Variants in HIRA observed in about 807,000 individuals in gnomAD.
HIRA encodes the protein histone cell cycle regulator, also known as protein HIRA.
A neutral mutation model predicts 126.6 loss-of-function variants in HIRA; 13 were observed. That is an observed-to-expected ratio of 0.10 (90% CI 0.07 to 0.16). The LOEUF (loss-of-function observed/expected upper bound fraction) is 0.16. Among genes scored for constraint, HIRA ranks in the 10% least tolerant of loss-of-function variants. The pLI, the probability that HIRA is intolerant of heterozygous loss-of-function variation, is 1.00. For synonymous variants in HIRA, 511 were observed against 520.0 expected, an observed-to-expected ratio of 0.98 and a Z score of 0.24; for missense variants, 834 against 1,314.4, an observed-to-expected ratio of 0.63 and a Z score of 5.65.
intron 1 of HIRA, among the ~76,000 whole-genome samples, chr22:19,428,683 A>C (rs1489644271): frequency 6.6e-6 from 1 of 152,110 alleles, no homozygotes; most frequent in Admixed American, 6.5e-5. Flanking sequence ...GCAGTGGCTC[A>C]CGCCTGTAGT....
At chr22:19,364,498 G>A (rs949700089) in intron 15 of HIRA, among the ~76,000 whole-genome samples, 1 of 152,130 alleles carries the variant, frequency 6.6e-6, no homozygotes, top group African/African-American at 2.4e-5. Context: ...TCGTGTCTCT[G>A]TGTCACATTT....
At chr22:19,358,629 C>A (rs146853561) in intron 18 of HIRA, among the ~76,000 whole-genome samples, 1 of 152,136 alleles carries the variant, frequency 6.6e-6, no homozygotes, top group East Asian at 1.9e-4. Flanking sequence ...TCAGGGCCCA[C>A]GAGAATTGTG....
chr22:19,355,871 G>T lies in HIRA; in HGVS notation c.2456-6C>A. On this transcript the variant is annotated splice_region_variant and splice_polypyrimidine_tract_variant and intron_variant, in intron 20 of 24. Transcript: ENST00000263208. ...TGATACCGTCATATCACTTCCTGAG[G>T]ACAGCATGGGAATGAGTTCTGGGTG... is the stretch of plus-strand genomic sequence containing the variant. 6.3e-7 allele frequency: 1 copy of T among 1,593,844 alleles called. No homozygotes were observed. The highest frequency in any genetic ancestry group is 8.6e-7 in the Non-Finnish European group (1 of 1,162,122).
intron 1 of HIRA, among the ~76,000 whole-genome samples, chr22:19,423,915 A>G (rs2283653): frequency 0.67 from 102,598 of 152,102 alleles, 34,876 homozygotes; most frequent in South Asian, 0.76. Flanking sequence ...CTTGGGCAGA[A>G]TGTTTCCCCT....
At chr22:19,377,101 T>C (rs531426263) in intron 14 of HIRA, among the ~76,000 whole-genome samples, 1 of 152,308 alleles carries the variant, frequency 6.6e-6, no homozygotes, top group Admixed American at 6.5e-5. Context: ...GGTAGGCCTG[T>C]ATGAGTCCTG....
At chr22:19,342,852 C>A (rs1352669303) in intron 24 of HIRA, among the ~76,000 whole-genome samples, 3 of 152,174 alleles carry the variant, frequency 2.0e-5, no homozygotes, top group Admixed American at 6.5e-5. Context: ...AGTCTAAATG[C>A]CCATCAACCA....
intron 17 of HIRA, among the ~76,000 whole-genome samples, chr22:19,360,235 C>T (rs1401855888): frequency 6.6e-6 from 1 of 152,110 alleles, no homozygotes; most frequent in Non-Finnish European, 1.5e-5. Context: ...AAATGACAGT[C>T]CCAAGCAGTG....
At chr22:19,344,673 ATAC>A (rs2088667158) in intron 24 of HIRA, among the ~76,000 whole-genome samples, 1 of 152,194 alleles carries the variant, frequency 6.6e-6, no homozygotes, top group African/African-American at 2.4e-5. Context: ...CTAGACAAAG[ATAC>A]TACAAGAAAA....
chr22:19,424,261 T>G (rs1246498463), intron 1 of HIRA, among the ~76,000 whole-genome samples: 1 of 152,202 alleles, frequency 6.6e-6, no homozygotes, highest in East Asian at 1.9e-4. Flanking sequence ...TGTAAGCCAG[T>G]AGGCAACGAT....
Position 19,386,672 on chromosome 22 carries a change from T to G in HIRA, c.1114-936A>C, listed in dbSNP as rs569662734. Among the ~76,000 whole-genome samples the G allele has an allele frequency of 1.3e-4, 20 of 152,328 alleles. 1 individual carries two copies. Among genetic ancestry groups the G allele is most frequent in the Middle Eastern group, 6.8e-3 (2 of 294 alleles). On this transcript the variant is annotated intron_variant, in intron 11 of 24. Transcript: ENST00000263208. Reference sequence around the variant, plus strand: ...GTGTTTGGCCAGGGTTTCCCTAGTGTTCCTCCAACATGGAGTCCCAGCCTG... The same window carrying G: ...GTGTTTGGCCAGGGTTTCCCTAGTGGTCCTCCAACATGGAGTCCCAGCCTG...
At chr22:19,345,540 T>A (rs113378223) in intron 24 of HIRA, among the ~76,000 whole-genome samples, 27 of 152,208 alleles carry the variant, frequency 1.8e-4, no homozygotes, top group African/African-American at 6.3e-4. Flanking sequence ...GGTTTTTTTT[T>A]ATGGACCAGT....
rs751828419 is a variant in HIRA, at chr22:19,361,778, TTTC to T, written c.1926_1928del (p.Lys643del). Reference sequence around the variant, plus strand: ...GACGAGAGTCCTTCCGAGGCCGCCCTTTCTTCTTCTTCTCTACTGTCTCTACCT... The same window carrying T: ...GACGAGAGTCCTTCCGAGGCCGCCCTTTCTTCTTCTCTACTGTCTCTACCT... On this transcript the variant is annotated inframe_deletion, in exon 16 of 25. Transcript: ENST00000263208. The T allele has an allele frequency of 2.5e-6, 4 of 1,613,672 alleles. No individual in the cohort carries two copies. The highest frequency in any genetic ancestry group is 3.4e-6 in the Non-Finnish European group (4 of 1,180,038).
chr22:19,361,172 T>G lies in HIRA; in HGVS notation c.2085+65A>C, dbSNP rs1240743887. The G allele has an allele frequency of 5.0e-6, 6 of 1,189,266 alleles. No homozygotes were observed. In the East Asian group the frequency reaches 9.3e-5, roughly 19 times the overall value. 73.7% of individuals were successfully genotyped at this position (1,189,266 alleles called of 1,614,324 possible). A position where few individuals can be genotyped will look rare whatever the true frequency, so the allele number is the denominator to read the frequency against. Reference sequence around the variant, plus strand: ...AGGAAGTGACAAGATAGGATTTGTATGCAGTAGGGGACAGAGAATGTCTGG... The same window carrying G: ...AGGAAGTGACAAGATAGGATTTGTAGGCAGTAGGGGACAGAGAATGTCTGG... On this transcript the variant is annotated intron_variant, in intron 17 of 24. Transcript: ENST00000263208.
chr22:19,355,065 G>A (rs1391399079), intron 21 of HIRA, among the ~76,000 whole-genome samples: 2 of 152,018 alleles, frequency 1.3e-5, no homozygotes, highest in African/African-American at 4.8e-5. Flanking sequence ...ATCGCACCCA[G>A]CAGATTTTTT....
chr22:19,420,564 T>C (rs527481509), intron 1 of HIRA, among the ~76,000 whole-genome samples: 44 of 151,744 alleles, frequency 2.9e-4, no homozygotes, highest in African/African-American at 1.1e-3. Flanking sequence ...TGTTTCTTAA[T>C]ACTTCTTTCC....
intron 1 of HIRA, among the ~76,000 whole-genome samples, chr22:19,421,478 T>C (rs1322891856): frequency 1.3e-5 from 2 of 152,220 alleles, no homozygotes; most frequent in African/African-American, 4.8e-5. Context: ...ACTAAATGCG[T>C]CTTCTAAAAT....
chr22:19,350,445 C>T (rs1556010486), intron 24 of HIRA, among the ~76,000 whole-genome samples: 1 of 152,192 alleles, frequency 6.6e-6, no homozygotes, highest in African/African-American at 2.4e-5. Flanking sequence ...ATGGTTCTGG[C>T]ATCCATTTTT....
At chr22:19,392,236 T>A in intron 8 of HIRA, 22 bp from the exon 9 acceptor site, 1 of 1,450,176 alleles carries the variant, frequency 6.9e-7, no homozygotes, top group Non-Finnish European at 9.7e-7. Context: ...TAACAGATGT[T>A]AAAAATAATT....
chr22:19,347,358 A>T (rs570551537), intron 24 of HIRA, among the ~76,000 whole-genome samples: 35 of 152,244 alleles, frequency 2.3e-4, no homozygotes, highest in Non-Finnish European at 4.8e-4. Flanking sequence ...GAAAAGCCAG[A>T]TAATTCAGGG....
Sources: gnomAD v4.1 joint callset for allele counts (sites outside exome capture counted in the v4.1 genomes callset) on GRCh38, gnomAD v4.1.1 for gene constraint, MANE v1.5 for transcripts, NCBI Gene and HGNC (gene_info 2026-07-23, HGNC 2026-07-21) for gene names.